The following SNX29 variants were observed in gnomAD, a reference collection of about 807,000 sequenced individuals.
SNX29 encodes the protein sorting nexin 29.
SNX29 carries 78 observed loss-of-function variants against 102.1 expected under a neutral mutation model. That is an observed-to-expected ratio of 0.76 (90% CI 0.64 to 0.92). The LOEUF (loss-of-function observed/expected upper bound fraction) is 0.92. SNX29 is among the 40% of genes least tolerant of loss of function. The pLI, the probability that SNX29 is intolerant of heterozygous loss-of-function variation, is 0.00. For missense variants in SNX29, 1,280 were observed against 1,061.7 expected, an observed-to-expected ratio of 1.21 and a Z score of -2.86; for synonymous variants, 580 against 414.5, an observed-to-expected ratio of 1.40 and a Z score of -4.85.
chr16:12,206,848 T>C (rs2037778790), intron 14 of SNX29, among the ~76,000 whole-genome samples: 1 of 131,620 alleles, frequency 7.6e-6, no homozygotes, highest in African/African-American at 2.6e-5. Context: ...GCTTCCCAAA[T>C]GATTCCAGTG....
At chr16:12,031,381 A>G (rs1017768759) in intron 4 of SNX29, among the ~76,000 whole-genome samples, 4 of 151,692 alleles carry the variant, frequency 2.6e-5, no homozygotes, top group Admixed American at 6.6e-5. Flanking sequence ...CCAATCCTGT[A>G]TTTTGAACAG....
intron 1 of SNX29, among the ~76,000 whole-genome samples, chr16:11,991,143 A>T (rs2055832592): frequency 6.6e-6 from 1 of 152,256 alleles, no homozygotes; most frequent in South Asian, 2.1e-4. Flanking sequence ...ACAGATGCAC[A>T]CGCAGGGCTT....
chr16:12,471,429 C>T (rs1464018032), intron 18 of SNX29, among the ~76,000 whole-genome samples: 1 of 152,188 alleles, frequency 6.6e-6, no homozygotes, highest in Non-Finnish European at 1.5e-5. Context: ...AGACTCAGGG[C>T]TTGAAGAGGT....
intron 19 of SNX29, among the ~76,000 whole-genome samples, chr16:12,482,639 G>A (rs1341016416): frequency 6.6e-6 from 1 of 152,170 alleles, no homozygotes; most frequent in Non-Finnish European, 1.5e-5. Context: ...TTACTCTTAA[G>A]CCTTGAACCC....
At chr16:12,121,956 C>T (rs2053991763) in intron 11 of SNX29, among the ~76,000 whole-genome samples, 1 of 152,126 alleles carries the variant, frequency 6.6e-6, no homozygotes, top group African/African-American at 2.4e-5. Context: ...CCCAGGACTA[C>T]AGGCACGCAC....
At chr16:12,393,434 AGTGTGTTAGTTCG>A (rs2083610397) in intron 16 of SNX29, among the ~76,000 whole-genome samples, 2 of 150,792 alleles carry the variant, frequency 1.3e-5, no homozygotes, top group African/African-American at 4.9e-5. Flanking sequence ...TCATTCATTC[AGTGTGTTAGTTCG>A]TGCCTACATG....
rs536024269 is a variant in SNX29, at chr16:12,570,225, C to T, written c.*1596C>T. On this transcript the variant is annotated 3_prime_UTR_variant, in exon 21 of 21. Transcript: ENST00000566228. ...CAAGGGGACCTGGGGCCAGATAAGC[C>T]CTGCCCCGGTGAGACCAAATGAGCT... 32 of 1,065,210 alleles carry T rather than the reference C, an allele frequency of 3.0e-5. No individual in the cohort carries two copies. The highest frequency in any genetic ancestry group is 4.9e-5 in the African/African-American group (3 of 61,050). The allele number at this position is 1,065,210 out of a possible 1,614,324, so 66.0% of individuals were successfully genotyped here. A position where few individuals can be genotyped will look rare whatever the true frequency, so the allele number is the denominator to read the frequency against.
intron 14 of SNX29, among the ~76,000 whole-genome samples, chr16:12,255,467 C>G (rs1012238136): frequency 6.6e-6 from 1 of 152,116 alleles, no homozygotes; most frequent in Non-Finnish European, 1.5e-5. Flanking sequence ...CCATGCTGTC[C>G]CCTAACCCGC....
intron 18 of SNX29, among the ~76,000 whole-genome samples, chr16:12,421,037 G>A (rs756302534): frequency 2.0e-5 from 3 of 152,196 alleles, no homozygotes; most frequent in Admixed American, 6.5e-5. Flanking sequence ...ATGCCAGCCC[G>A]AGACATGAGG....
In SNX29 at chr16:12,573,214, C is replaced by T. The variant is rs2079224199; in HGVS notation, c.*4585C>T. 4.4e-6 allele frequency: 1 copy of T among 227,076 alleles called. No individual in the cohort carries two copies. The highest frequency in any genetic ancestry group is 5.7e-5 in the Admixed American group (1 of 17,536). The allele number at this position is 227,076 out of a possible 1,614,324, so 14.1% of individuals were successfully genotyped here. ...TCTCCCGGCTCTAGGCAGACCGGAT[C>T]CCGCAGTTCATCCCATGGTTGTTGA... is the stretch of plus-strand genomic sequence containing the variant. On this transcript the variant is annotated 3_prime_UTR_variant, in exon 21 of 21. Coordinates refer to ENST00000566228, the MANE Select transcript of SNX29 (RefSeq NM_032167.5).
chr16:12,191,688 G>A (rs2076646779), intron 13 of SNX29, among the ~76,000 whole-genome samples: 2 of 152,244 alleles, frequency 1.3e-5, no homozygotes, highest in South Asian at 4.1e-4. Context: ...AGACTTAACA[G>A]GAATATGTAC....
chr16:12,545,527 G>C (rs1001820429), intron 20 of SNX29: 2 of 152,254 alleles, frequency 1.3e-5, no homozygotes, highest in African/African-American at 4.8e-5. Context: ...TGGGTGACCA[G>C]GGCCTTTGCC....
chr16:12,288,674 T>TG (rs1204686301), intron 15 of SNX29, among the ~76,000 whole-genome samples: 65 of 128,094 alleles, frequency 5.1e-4, no homozygotes, highest in African/African-American at 1.3e-3. Context: ...GCGAGACATC[T>TG]GGGGAAAAAA....
At chr16:12,394,508 A>T (rs961285082) in intron 16 of SNX29, among the ~76,000 whole-genome samples, 3 of 152,076 alleles carry the variant, frequency 2.0e-5, no homozygotes, top group African/African-American at 7.2e-5. Flanking sequence ...AAACTTGGCT[A>T]TTTTTTTATC....
chr16:12,459,759 A>G (rs2151747949), intron 18 of SNX29, among the ~76,000 whole-genome samples: 1 of 152,280 alleles, frequency 6.6e-6, no homozygotes, highest in South Asian at 2.1e-4. Flanking sequence ...CTTTCTGGTC[A>G]CTGGTCCTGC....
At chr16:12,458,727 G>A (rs2086641014) in intron 18 of SNX29, among the ~76,000 whole-genome samples, 1 of 152,138 alleles carries the variant, frequency 6.6e-6, no homozygotes, top group African/African-American at 2.4e-5. Flanking sequence ...GGAGGAGGTA[G>A]CCTTTGGAGT....
intron 15 of SNX29, among the ~76,000 whole-genome samples, chr16:12,305,192 C>T (rs1027269349): frequency 6.6e-6 from 1 of 152,174 alleles, no homozygotes; most frequent in Non-Finnish European, 1.5e-5. Context: ...GTCTTTTGAG[C>T]CCCTCATATG....
At chr16:12,151,307 C>CTAT (rs2055291566) in intron 13 of SNX29, among the ~76,000 whole-genome samples, 1 of 151,950 alleles carries the variant, frequency 6.6e-6, no homozygotes, top group South Asian at 2.1e-4. Context: ...CACACACACA[C>CTAT]TATTACACAA....
At chr16:12,328,388 A>G (rs1465025456) in intron 15 of SNX29, among the ~76,000 whole-genome samples, 4 of 152,214 alleles carry the variant, frequency 2.6e-5, no homozygotes, top group Admixed American at 6.5e-5. Context: ...AAATTCTTCT[A>G]CAAGCCAAAC....
Sources: gnomAD v4.1 joint callset for allele counts (sites outside exome capture counted in the v4.1 genomes callset) on GRCh38, gnomAD v4.1.1 for gene constraint, MANE v1.5 for transcripts, NCBI Gene and HGNC (gene_info 2026-07-23, HGNC 2026-07-21) for gene names.